ZNF365: variants seen among roughly 807,000 people sequenced by gnomAD.
The protein encoded by ZNF365 is protein ZNF365.
A neutral mutation model predicts 35.0 loss-of-function variants in ZNF365; 22 were observed. That is an observed-to-expected ratio of 0.63 (90% CI 0.45 to 0.90). The LOEUF (loss-of-function observed/expected upper bound fraction) is 0.90, where lower values mean the gene tolerates loss of function less well. ZNF365 is among the 40% of genes least tolerant of loss of function. ZNF365 has a pLI of 0.00. For synonymous variants in ZNF365, 188 were observed against 196.2 expected (o/e 0.96, Z 0.35); for missense variants, 448 against 500.3 (o/e 0.90, Z 1.00).
chr10:62,441,396 A>C (rs943181224), intron 3 of ZNF365, among the ~76,000 whole-genome samples: 1 of 152,196 alleles, frequency 6.6e-6, no homozygotes, highest in Non-Finnish European at 1.5e-5. Flanking sequence ...AAATCCTAGA[A>C]TGCTAGAGAA....
At chr10:62,462,058 G>A (rs1268051972) in intron 4 of ZNF365, among the ~76,000 whole-genome samples, 2 of 152,072 alleles carry the variant, frequency 1.3e-5, no homozygotes, top group Non-Finnish European at 2.9e-5. Context: ...TTAACTCAGT[G>A]ATTCTCAAAC....
At position 62,445,904 on chromosome 10, in the gene ZNF365, T is replaced by G. The variant is rs146787464; in HGVS notation, c.925-13837T>G. ...TGGAACGAGGCAGAGATCCAGCATC[T>G]TCTATTGACTGTAGTCTTAGGCACC... On this transcript the variant is annotated intron_variant, in intron 3 of 4. Coordinates refer to the ZNF365 transcript ENST00000395255. Among the ~76,000 whole-genome samples, 48 of 152,300 alleles carry G rather than the reference T, an allele frequency of 3.2e-4. No homozygotes were observed. In the East Asian group the frequency reaches 8.1e-3, roughly 26 times the overall value.
intron 3 of ZNF365, among the ~76,000 whole-genome samples, chr10:62,451,127 G>A (rs921034270): frequency 2.0e-5 from 3 of 152,204 alleles, no homozygotes; most frequent in African/African-American, 7.2e-5. Context: ...GGAAGGCTGA[G>A]TTGTGAGCAA....
chr10:62,431,481 GT>G (rs1241778946), intron 3 of ZNF365, among the ~76,000 whole-genome samples: 1 of 150,372 alleles, frequency 6.7e-6, no homozygotes. Flanking sequence ...CAGCAACATA[GT>G]CTATGCTGTT....
At chr10:62,458,467 A>AACAC (rs3999114) in intron 3 of ZNF365, among the ~76,000 whole-genome samples, 47,667 of 148,170 alleles carry the variant, frequency 0.32, 8,999 homozygotes, top group East Asian at 0.43. Context: ...CACCATCTTG[A>AACAC]ACACACACAC....
rs540121742 is a variant in ZNF365, at chr10:62,387,739, G to A, written c.744-657G>A. On this transcript the variant is annotated intron_variant, in intron 2 of 4. Transcript: ENST00000395254. The stretch of plus-strand genomic sequence containing the variant: ...GCTCTAAGCTAAAAAATATACTGTT[G>A]GACAAGATGACTCATTTGATGTGCT... 1.5e-4 allele frequency among the ~76,000 whole-genome samples: 23 copies of A among 152,178 alleles called. 1 individual carries two copies. In the South Asian group the frequency reaches 3.5e-3, roughly 23 times the overall value.
At chr10:62,410,013 G>A (rs780315951) in intron 3 of ZNF365, among the ~76,000 whole-genome samples, 14 of 152,116 alleles carry the variant, frequency 9.2e-5, no homozygotes, top group Non-Finnish European at 1.3e-4. Flanking sequence ...TAGGATCACA[G>A]GATCTCAACA....
intron 3 of ZNF365, among the ~76,000 whole-genome samples, chr10:62,430,842 C>T (rs928173296): frequency 6.6e-6 from 1 of 152,120 alleles, no homozygotes. Flanking sequence ...CATAAGGTAC[C>T]TGACAAACAA....
intron 3 of ZNF365, among the ~76,000 whole-genome samples, chr10:62,431,221 C>T (rs946769778): frequency 2.0e-5 from 3 of 152,184 alleles, no homozygotes; most frequent in Non-Finnish European, 4.4e-5. Flanking sequence ...CTTTCTCCCC[C>T]CTGCTCTTTC....
chr10:62,423,964 T>C (rs1029679641), intron 3 of ZNF365, among the ~76,000 whole-genome samples: 39 of 152,190 alleles, frequency 2.6e-4, no homozygotes, highest in African/African-American at 9.2e-4. Flanking sequence ...TATATTATAC[T>C]TTCTTTTGAG....
intron 1 of ZNF365, chr10:62,375,474 G>C (rs1269269887): frequency 6.6e-6 from 1 of 152,278 alleles, no homozygotes; most frequent in Non-Finnish European, 1.5e-5. Flanking sequence ...TAGCACTTTG[G>C]TTTATGTCAT....
Position 62,376,323 on chromosome 10 carries a change from A to G in ZNF365, c.130A>G (p.Arg44Gly). 1 of 1,614,124 alleles carries G rather than the reference A, an allele frequency of 6.2e-7. No homozygotes were observed. The highest frequency in any genetic ancestry group is 8.5e-7 in the Non-Finnish European group (1 of 1,180,034). The change falls in exon 2 of 5, where the codon AGG becomes GGG. Residue 44 changes from arginine to glycine, a missense_variant. This residue lies in a region of ZNF365 where 76 missense variants were observed against 96.7 expected (regional missense o/e 0.79). Transcript: ENST00000395254. ...HTRFRSLSSL[R>G]AHLEFSHSYE... Reference sequence around the variant, plus strand: ...CAGATTTAGAAGCTTGTCATCCTTGAGGGCCCATCTGGAGTTCAGTCACAG... The same window carrying G: ...CAGATTTAGAAGCTTGTCATCCTTGGGGGCCCATCTGGAGTTCAGTCACAG...
intron 3 of ZNF365, among the ~76,000 whole-genome samples, chr10:62,455,380 T>C (rs1169948270): frequency 6.6e-6 from 1 of 152,238 alleles, no homozygotes; most frequent in East Asian, 1.9e-4. Flanking sequence ...TAGAACACTG[T>C]TCATCTCAAA....
intron 4 of ZNF365, among the ~76,000 whole-genome samples, chr10:62,479,352 A>G (rs1358769338): frequency 6.6e-6 from 1 of 152,222 alleles, no homozygotes; most frequent in Admixed American, 6.5e-5. Flanking sequence ...GAAGACAACT[A>G]CAGTTATACT....
intron 3 of ZNF365, among the ~76,000 whole-genome samples, chr10:62,448,577 A>G (rs1046055493): frequency 6.6e-6 from 1 of 152,178 alleles, no homozygotes; most frequent in Non-Finnish European, 1.5e-5. Flanking sequence ...CCAGAATCCT[A>G]ACACATAAAC....
chr10:62,423,867 G>A (rs903344674), intron 3 of ZNF365, among the ~76,000 whole-genome samples: 3 of 152,074 alleles, frequency 2.0e-5, no homozygotes, highest in Non-Finnish European at 1.5e-5. Flanking sequence ...TACATATTAG[G>A]TTATTCAGAT....
chr10:62,400,060 T>C lies in ZNF365; in HGVS notation c.*271T>C. 1 of 1,175,000 alleles carries C rather than the reference T, an allele frequency of 8.5e-7. No individual in the cohort carries two copies. 72.8% of individuals were successfully genotyped at this position (1,175,000 alleles called of 1,614,324 possible). A position where few individuals can be genotyped will look rare whatever the true frequency, so the allele number is the denominator to read the frequency against. On this transcript the variant is annotated 3_prime_UTR_variant, in exon 5 of 5. Coordinates refer to ENST00000395254, the MANE Select transcript of ZNF365 (RefSeq NM_014951.3). ...TTAAAGCTCTAACTTCTAAAGTAAC[T>C]GGCCCAGTCTCCAGTAATCTTGGCA...
chr10:62,424,398 A>G (rs918222255), intron 3 of ZNF365, among the ~76,000 whole-genome samples: 1 of 152,206 alleles, frequency 6.6e-6, no homozygotes, highest in Non-Finnish European at 1.5e-5. Context: ...ATCTATTATA[A>G]GCAATGAATT....
intron 4 of ZNF365, among the ~76,000 whole-genome samples, chr10:62,463,503 C>T (rs952048650): frequency 3.3e-5 from 5 of 152,154 alleles, no homozygotes; most frequent in Admixed American, 1.3e-4. Context: ...GAAAAAGAGC[C>T]GGGACAAATA....
Sources: gnomAD v4.1 joint callset for allele counts (sites outside exome capture counted in the v4.1 genomes callset) on GRCh38, gnomAD v4.1.1 for gene constraint, gnomAD v4.1.1 regional missense constraint, MANE v1.5 for transcripts, NCBI Gene and HGNC (gene_info 2026-07-23, HGNC 2026-07-21) for gene names.